CHSY3: variants seen among roughly 807,000 people sequenced by gnomAD.
The protein encoded by CHSY3 is chondroitin sulfate synthase 3, also known as N-acetylgalactosaminyl-proteoglycan 3-beta-glucuronosyltransferase 3.
In CHSY3, 35 loss-of-function variants were observed where a neutral mutation model predicts 67.2. The observed-to-expected ratio is 0.52, with a 90% CI of 0.40 to 0.69. The LOEUF (loss-of-function observed/expected upper bound fraction) is 0.69. CHSY3 is among the 30% of genes least tolerant of loss of function. The probability of loss-of-function intolerance (pLI) is 0.00; values close to 1 mark genes in which losing one functional copy is unlikely to be tolerated. For synonymous variants in CHSY3, 474 were observed against 434.7 expected, an observed-to-expected ratio of 1.09 and a Z score of -1.12; for missense variants, 1,069 against 1,138.5, an observed-to-expected ratio of 0.94 and a Z score of 0.88.
chr5:129,949,934 G>A (rs934161413), intron 2 of CHSY3, among the ~76,000 whole-genome samples: 1 of 151,928 alleles, frequency 6.6e-6, no homozygotes, highest in Non-Finnish European at 1.5e-5. Context: ...GAGGCTGAGG[G>A]GGGTGGATCA....
chr5:129,948,401 C>A (rs6876996), intron 2 of CHSY3, among the ~76,000 whole-genome samples: 3,485 of 152,276 alleles, frequency 0.023, 121 homozygotes, highest in African/African-American at 0.079. Flanking sequence ...ATCCTCATAG[C>A]TTACCTCCCA....
intron 2 of CHSY3, among the ~76,000 whole-genome samples, chr5:130,066,526 G>A (rs150183741): frequency 6.6e-6 from 1 of 152,082 alleles, no homozygotes; most frequent in Non-Finnish European, 1.5e-5. Flanking sequence ...GGTGTATAGT[G>A]TAGTAGGACT....
rs527714226 is a variant in CHSY3, at chr5:129,950,834, G to A, written c.1086+42474G>A. ...TCAATATGTCTATACTACCCAAAGC[G>A]ATCTGCAGATTCAGTGAAATCCTTA... On this transcript the variant is annotated intron_variant, in intron 2 of 2. Transcript: ENST00000305031. 1.4e-4 allele frequency among the ~76,000 whole-genome samples: 22 copies of A among 152,180 alleles called. No individual in the cohort carries two copies. The South Asian group carries it at 3.1e-3, about 21-fold the overall frequency.
chr5:130,160,903 T>TTATTTATTTATTTA (rs1285322372), intron 2 of CHSY3, among the ~76,000 whole-genome samples: 1 of 144,026 alleles, frequency 6.9e-6, no homozygotes, highest in Admixed American at 6.9e-5. Flanking sequence ...TTATTTTTTT[T>TTATTTATTTATTTA]TTTTTATTTT....
chr5:130,015,474 A>T (rs1173165175), intron 2 of CHSY3, among the ~76,000 whole-genome samples: 1 of 152,164 alleles, frequency 6.6e-6, no homozygotes, highest in African/African-American at 2.4e-5. Flanking sequence ...GTCAACAAAC[A>T]TATGAAAAAA....
intron 2 of CHSY3, among the ~76,000 whole-genome samples, chr5:129,943,907 G>T (rs952053540): frequency 3.3e-5 from 5 of 152,204 alleles, no homozygotes; most frequent in Admixed American, 2.0e-4. Context: ...TAAATGCTAG[G>T]TGAGTTGCAC....
At chr5:129,999,008 T>G (rs1763636085) in intron 2 of CHSY3, among the ~76,000 whole-genome samples, 1 of 152,024 alleles carries the variant, frequency 6.6e-6, no homozygotes, top group Non-Finnish European at 1.5e-5. Flanking sequence ...AAGATTAGGT[T>G]AAATATTGTA....
chr5:129,919,218 CATCA>C (rs1407299483), intron 2 of CHSY3, among the ~76,000 whole-genome samples: 1 of 149,552 alleles, frequency 6.7e-6, no homozygotes, highest in Non-Finnish European at 1.5e-5. Flanking sequence ...TTATTTATTT[CATCA>C]ATTAATAAAG....
intron 2 of CHSY3, among the ~76,000 whole-genome samples, chr5:129,946,998 A>G (rs1392000689): frequency 6.6e-6 from 1 of 152,168 alleles, no homozygotes; most frequent in African/African-American, 2.4e-5. Context: ...GGAACCTCCT[A>G]TATTAGTCCG....
chr5:130,097,248 A>G (rs2149696317), intron 2 of CHSY3, among the ~76,000 whole-genome samples: 1 of 152,286 alleles, frequency 6.6e-6, no homozygotes, highest in South Asian at 2.1e-4. Flanking sequence ...GATTCTTCCT[A>G]TTTCCGAAAC....
chr5:130,124,249 C>T (rs1259757832), intron 2 of CHSY3, among the ~76,000 whole-genome samples: 6 of 152,108 alleles, frequency 3.9e-5, no homozygotes, highest in African/African-American at 1.4e-4. Flanking sequence ...TCCACATTCT[C>T]TAAGCCCACC....
chr5:129,906,164 C>T (rs1192975065), intron 1 of CHSY3, among the ~76,000 whole-genome samples: 2 of 152,148 alleles, frequency 1.3e-5, no homozygotes, highest in Non-Finnish European at 2.9e-5. Flanking sequence ...GAATCGTCTT[C>T]GCTGTCCCGG....
At chr5:129,969,466 T>A (rs1175688487) in intron 2 of CHSY3, among the ~76,000 whole-genome samples, 7 of 151,908 alleles carry the variant, frequency 4.6e-5, no homozygotes, top group Non-Finnish European at 1.0e-4. Flanking sequence ...ATTTATATAC[T>A]GATTGCATGC....
chr5:130,122,554 A>G (rs1440742877), intron 2 of CHSY3, among the ~76,000 whole-genome samples: 1 of 152,212 alleles, frequency 6.6e-6, no homozygotes, highest in Admixed American at 6.5e-5. Flanking sequence ...CGTCTTGAAG[A>G]AAGTGTTTGT....
intron 2 of CHSY3, among the ~76,000 whole-genome samples, chr5:130,056,222 A>G (rs1015595435): frequency 9.2e-5 from 14 of 152,060 alleles, no homozygotes; most frequent in Admixed American, 1.3e-4. Flanking sequence ...TTTCTGACTC[A>G]GGTGGTTCAA....
chr5:130,068,217 C>T (rs1245788000), intron 2 of CHSY3, among the ~76,000 whole-genome samples: 1 of 152,032 alleles, frequency 6.6e-6, no homozygotes, highest in East Asian at 1.9e-4. Context: ...TCTATAATTG[C>T]AAGTGAAAGA....
chr5:130,138,558 A>G (rs1012651262), intron 2 of CHSY3, among the ~76,000 whole-genome samples: 1 of 152,250 alleles, frequency 6.6e-6, no homozygotes, highest in Non-Finnish European at 1.5e-5. Context: ...TGATACTAAA[A>G]GAATGGCAGA....
intron 2 of CHSY3, among the ~76,000 whole-genome samples, chr5:130,029,678 T>TA (rs1764652291): frequency 6.6e-6 from 1 of 152,182 alleles, no homozygotes; most frequent in Non-Finnish European, 1.5e-5. Flanking sequence ...CTCTTTTTTT[T>TA]AAAATAAAAC....
chr5:130,151,602 G>A (rs1769233631), intron 2 of CHSY3, among the ~76,000 whole-genome samples: 1 of 152,164 alleles, frequency 6.6e-6, no homozygotes, highest in Non-Finnish European at 1.5e-5. Context: ...GTTCAGCACG[G>A]CTGGGGAAGC....
Sources: allele counts gnomAD v4.1 joint callset (sites outside exome capture counted in the v4.1 genomes callset), GRCh38; gene constraint gnomAD v4.1.1; transcripts MANE v1.5; gene names NCBI Gene and HGNC (gene_info 2026-07-23, HGNC 2026-07-21).